SLC25A48: variants seen among roughly 807,000 people sequenced by gnomAD.
The protein encoded by SLC25A48 is CTC-321K16.1.
In SLC25A48, 29 loss-of-function variants were observed where a neutral mutation model predicts 32.2. That is an observed-to-expected ratio of 0.90 (90% confidence interval 0.67 to 1.23). The LOEUF is 1.23. SLC25A48 is among the 50% of genes most tolerant of loss of function. The pLI is 0.00. For synonymous variants in SLC25A48, 164 were observed against 172.3 expected (o/e 0.95, Z 0.38); for missense variants, 399 against 422.7 (o/e 0.94, Z 0.49).
chr5:135,864,771 A>C, intron 4 of SLC25A48, among the ~76,000 whole-genome samples: 1 of 152,220 alleles, frequency 6.6e-6, no homozygotes. Context: ...TGCATATTAC[A>C]CCATTGTACA....
chr5:135,879,611 A>AGT (rs775091968), intron 6 of SLC25A48, among the ~76,000 whole-genome samples: 2,205 of 119,434 alleles, frequency 0.018, 25 homozygotes, highest in South Asian at 0.036. Context: ...AGAGAGAGAG[A>AGT]GTGTGTGTGT....
At chr5:135,853,433 C>G (rs1760057747) in intron 4 of SLC25A48, among the ~76,000 whole-genome samples, 1 of 152,228 alleles carries the variant, frequency 6.6e-6, no homozygotes, top group Non-Finnish European at 1.5e-5. Context: ...CCTGACGCTG[C>G]TTTATCAGCT....
chr5:135,877,369 G>T (rs13354479), intron 6 of SLC25A48, among the ~76,000 whole-genome samples: 9,350 of 152,116 alleles, frequency 0.061, 690 homozygotes, highest in African/African-American at 0.17. Context: ...GGCAGACAGA[G>T]GGGGCATTTG....
intron 7 of SLC25A48, among the ~76,000 whole-genome samples, chr5:135,887,476 A>G (rs952006167): frequency 6.6e-6 from 1 of 151,570 alleles, no homozygotes; most frequent in African/African-American, 2.4e-5. Flanking sequence ...GTGTGTACAT[A>G]TACACACACA....
At chr5:135,621,613 T>C (rs1427502977) in intron 1 of SLC25A48, among the ~76,000 whole-genome samples, 2 of 152,174 alleles carry the variant, frequency 1.3e-5, no homozygotes, top group African/African-American at 4.8e-5. Flanking sequence ...TATAGGAATG[T>C]AGTTTATTAT....
chr5:135,715,684 A>C (rs1754780812), intron 3 of SLC25A48, among the ~76,000 whole-genome samples: 2 of 152,220 alleles, frequency 1.3e-5, no homozygotes, highest in African/African-American at 4.8e-5. Flanking sequence ...GGAGAAAACA[A>C]ATTTCTTAAA....
chr5:135,610,425 C>G (rs528173523), intron 1 of SLC25A48, among the ~76,000 whole-genome samples: 1 of 152,312 alleles, frequency 6.6e-6, no homozygotes, highest in African/African-American at 2.4e-5. Context: ...CCTCATGCCT[C>G]ATGTAGTATT....
At chr5:135,580,714 C>T (rs1751212616) in intron 1 of SLC25A48, among the ~76,000 whole-genome samples, 1 of 151,956 alleles carries the variant, frequency 6.6e-6, no homozygotes, top group Non-Finnish European at 1.5e-5. Context: ...AACACGTTTG[C>T]CCAGAAAAAT....
At chr5:135,784,443 A>G (rs919791593) in intron 3 of SLC25A48, among the ~76,000 whole-genome samples, 1 of 118,352 alleles carries the variant, frequency 8.4e-6, no homozygotes, top group African/African-American at 2.6e-5. Flanking sequence ...TGTTCCTAAT[A>G]TCCACAGTGG....
At chr5:135,789,302 C>T (rs1756954696) in intron 3 of SLC25A48, among the ~76,000 whole-genome samples, 2 of 105,960 alleles carry the variant, frequency 1.9e-5, no homozygotes, top group African/African-American at 3.0e-5. Flanking sequence ...TTCGTAATAT[C>T]CAAGGGAGAA....
At chr5:135,716,359 T>C (rs1481183879) in intron 3 of SLC25A48, among the ~76,000 whole-genome samples, 4 of 152,204 alleles carry the variant, frequency 2.6e-5, no homozygotes, top group African/African-American at 9.6e-5. Context: ...GTTGGGTTTT[T>C]TATCAACACA....
chr5:135,886,239 G>C (rs1051410519), intron 7 of SLC25A48, among the ~76,000 whole-genome samples: 3 of 151,912 alleles, frequency 2.0e-5, no homozygotes, highest in Non-Finnish European at 4.4e-5. Flanking sequence ...TCCAGGCTGC[G>C]GGCTGGCTCT....
At chr5:135,692,092 C>T (rs918378208) in intron 3 of SLC25A48, among the ~76,000 whole-genome samples, 13 of 152,088 alleles carry the variant, frequency 8.5e-5, no homozygotes, top group African/African-American at 2.9e-4. Flanking sequence ...CCGAGGCAGG[C>T]GGATCCTGAG....
At chr5:135,861,980 A>C (rs75481343) in intron 4 of SLC25A48, among the ~76,000 whole-genome samples, 232 of 152,364 alleles carry the variant, frequency 1.5e-3, no homozygotes, top group Non-Finnish European at 2.9e-3. Flanking sequence ...GCAAGGAGAC[A>C]TTGGCCTGTG....
intron 3 of SLC25A48, among the ~76,000 whole-genome samples, chr5:135,809,176 G>T (rs1265322201): frequency 6.6e-6 from 1 of 152,002 alleles, no homozygotes; most frequent in African/African-American, 2.4e-5. Context: ...GCATCCATCT[G>T]TAGTCCCAGC....
chr5:135,811,319 A>G (rs1281127381), intron 3 of SLC25A48, among the ~76,000 whole-genome samples: 1 of 152,248 alleles, frequency 6.6e-6, no homozygotes, highest in African/African-American at 2.4e-5. Flanking sequence ...AGTCAGGCCC[A>G]GAAAGACAAA....
At chr5:135,662,811 C>T (rs938345440) in intron 3 of SLC25A48, among the ~76,000 whole-genome samples, 1 of 152,162 alleles carries the variant, frequency 6.6e-6, no homozygotes, top group Non-Finnish European at 1.5e-5. Flanking sequence ...TTCGAAGGGT[C>T]CTTCTCTCAG....
At chr5:135,644,683 G>GATTT (rs1752917599) in intron 3 of SLC25A48, among the ~76,000 whole-genome samples, 1 of 152,162 alleles carries the variant, frequency 6.6e-6, no homozygotes, top group African/African-American at 2.4e-5. Flanking sequence ...GTCAGACCCA[G>GATTT]ATTTGTGTGG....
intron 4 of SLC25A48, among the ~76,000 whole-genome samples, chr5:135,864,954 G>A (rs1761075818): frequency 6.6e-6 from 1 of 152,192 alleles, no homozygotes; most frequent in Non-Finnish European, 1.5e-5. Context: ...TGGCAGGTCT[G>A]GCACTTCCAG....
Sources: gnomAD v4.1 joint callset for allele counts (sites outside exome capture counted in the v4.1 genomes callset) on GRCh38, gnomAD v4.1.1 for gene constraint, MANE v1.5 for transcripts, NCBI Gene and HGNC (gene_info 2026-07-23, HGNC 2026-07-21) for gene names.